BPI: variants seen among roughly 807,000 people sequenced by gnomAD.
The protein encoded by BPI is bactericidal permeability increasing protein, also known as bactericidal permeability-increasing protein.
A neutral mutation model predicts 57.6 loss-of-function variants in BPI; 48 were observed. That is an observed-to-expected ratio of 0.83 (90% CI 0.66 to 1.06). BPI has a LOEUF of 1.06. Among genes scored for constraint, BPI ranks in the 50% least tolerant of loss-of-function variants. The pLI is 0.00. For missense variants in BPI, 651 were observed against 609.7 expected, an observed-to-expected ratio of 1.07 and a Z score of -0.71; for synonymous variants, 237 against 238.2, an observed-to-expected ratio of 0.99 and a Z score of 0.05.
intron 5 of BPI, among the ~76,000 whole-genome samples, chr20:38,317,348 A>G (rs920577792): frequency 6.6e-6 from 1 of 152,268 alleles, no homozygotes; most frequent in African/African-American, 2.4e-5. Flanking sequence ...AAGGCATGAC[A>G]GGGATGGCTA....
chr20:38,327,677 G>A (rs530448991), intron 11 of BPI, 22 bp downstream of exon 11: 166 of 1,612,250 alleles, frequency 1.0e-4, no homozygotes, highest in Middle Eastern at 5.0e-4. Flanking sequence ...TGTGAGAGGA[G>A]GAGGGGGCTG....
At chr20:38,308,865 G>T (rs1270199056) in intron 2 of BPI, 65 bp from the exon 3 acceptor site, 4 of 1,592,164 alleles carry the variant, frequency 2.5e-6, no homozygotes, top group South Asian at 2.2e-5. Context: ...AACCATTAAC[G>T]AAGTCCTCAT....
In BPI at chr20:38,326,549, C is replaced by T. The variant is rs186424214; in HGVS notation, c.1161+117C>T. On this transcript the variant is annotated intron_variant, in intron 10 of 14. Transcript: ENST00000642449. ...GATTCAAACCTGGACTGTGTCACTC[C>T]GGAGCCTGAGGCTTGAGTCACTGTA... 1.4e-4 allele frequency: 176 copies of T among 1,269,846 alleles called. No homozygotes were observed. The East Asian group carries it at 4.6e-3, about 33-fold the overall frequency. The allele number at this position is 1,269,846 out of a possible 1,614,324, so 78.7% of individuals were successfully genotyped here.
intron 9 of BPI, among the ~76,000 whole-genome samples, chr20:38,325,142 T>TA (rs2076706183): frequency 6.6e-6 from 1 of 152,200 alleles, no homozygotes; most frequent in Non-Finnish European, 1.5e-5. Flanking sequence ...GGCACCTCCC[T>TA]ACCCTCCTGG....
At chr20:38,330,771 T>C (rs1322033548) in intron 11 of BPI, among the ~76,000 whole-genome samples, 5 of 152,216 alleles carry the variant, frequency 3.3e-5, no homozygotes, top group Non-Finnish European at 7.3e-5. Flanking sequence ...AGGTCAGAGG[T>C]ACATCCTTGC....
At chr20:38,310,693 A>G (rs1226092444) in intron 4 of BPI, 41 bp downstream of exon 4, 1 of 1,590,376 alleles carries the variant, frequency 6.3e-7, no homozygotes, top group Non-Finnish European at 8.6e-7. Context: ...AGGGACTTAA[A>G]GAAGAACTCT....
intron 6 of BPI, among the ~76,000 whole-genome samples, chr20:38,319,431 G>T (rs978673855): frequency 6.6e-6 from 1 of 152,184 alleles, no homozygotes; most frequent in African/African-American, 2.4e-5. Flanking sequence ...GGCATGGTTG[G>T]CACATAGTAT....
At chr20:38,325,802 T>G (rs907926703) in intron 9 of BPI, among the ~76,000 whole-genome samples, 6 of 152,062 alleles carry the variant, frequency 3.9e-5, no homozygotes, top group Non-Finnish European at 8.8e-5. Context: ...TCACATTATT[T>G]TTACTCAGAC....
intron 11 of BPI, 146 bp downstream of exon 11, chr20:38,327,801 C>A: frequency 1.1e-6 from 1 of 895,176 alleles, no homozygotes; most frequent in Non-Finnish European, 1.7e-6. Flanking sequence ...TGTGCGATGG[C>A]CACAGTATCC....
At chr20:38,324,455 T>C (rs766331528) in intron 8 of BPI, among the ~76,000 whole-genome samples, 1 of 152,212 alleles carries the variant, frequency 6.6e-6, no homozygotes, top group Non-Finnish European at 1.5e-5. Flanking sequence ...CCTAGCACCA[T>C]GCTAAGGCAG....
chr20:38,321,295 A>T (rs1370629822), intron 7 of BPI, among the ~76,000 whole-genome samples: 2 of 150,424 alleles, frequency 1.3e-5, no homozygotes, highest in East Asian at 3.9e-4. Context: ...GGGTGGATGG[A>T]TGGATGGATG....
chr20:38,323,339 G>A (rs1389584226), intron 7 of BPI, among the ~76,000 whole-genome samples: 1 of 152,152 alleles, frequency 6.6e-6, no homozygotes, highest in African/African-American at 2.4e-5. Context: ...GAAACATAAA[G>A]AACAACCTTA....
rs2076720445 is a variant in BPI, at chr20:38,327,659, A to C, written c.1229+4A>C. ...TTGGAGAGCTCAAGCTGGATAGGTA[A>C]GTGGGCCTGTGAGAGGAGGAGGGGG... On this transcript the variant is annotated splice_donor_region_variant and intron_variant, in intron 11 of 14. Transcript: ENST00000642449. 2.5e-6 allele frequency: 4 copies of C among 1,613,392 alleles called. No individual in the cohort carries two copies. The South Asian group carries it at 4.4e-5, about 18-fold the overall frequency.
intron 12 of BPI, among the ~76,000 whole-genome samples, chr20:38,333,403 A>AG (rs2076751598): frequency 6.6e-6 from 1 of 152,296 alleles, no homozygotes; most frequent in Non-Finnish European, 1.5e-5. Context: ...AAGCATCTTG[A>AG]GGGTTTTACA....
At chr20:38,310,826 T>C (rs956725282) in intron 4 of BPI, among the ~76,000 whole-genome samples, 174 bp downstream of exon 4, 2 of 152,238 alleles carry the variant, frequency 1.3e-5, no homozygotes, top group Non-Finnish European at 2.9e-5. Flanking sequence ...ACTGTCTCTT[T>C]CTCAAGGCAT....
Position 38,337,183 on chromosome 20 carries a change from G to T in BPI, c.1451G>T (p.Ter484LeuextTer47). ...LLFGADVVYK[*>L] ...TTCGGTGCAGACGTTGTCTATAAAT[G>T]AAGGCACCAGGGGTGCCGGGGGCTG... Residue 484 changes from the stop codon to leucine (L), a stop_lost, in exon 15 of 15, where the codon TGA (stop) becomes TTA (leucine). Coordinates refer to ENST00000642449, the MANE Select transcript of BPI (RefSeq NM_001725.3). 1 of 1,590,234 alleles carries T rather than the reference G, an allele frequency of 6.3e-7. No individual in the cohort carries two copies.
chr20:38,331,843 CAA>C (rs71644569), intron 12 of BPI, among the ~76,000 whole-genome samples: 187 of 80,976 alleles, frequency 2.3e-3, no homozygotes, highest in African/African-American at 4.2e-3. Context: ...AATCTTGTCT[CAA>C]AAAAAAAAAA....
chr20:38,324,714 C>G, intron 8 of BPI, 60 bp from the exon 9 acceptor site: 1 of 1,399,886 alleles, frequency 7.1e-7, no homozygotes, highest in South Asian at 1.2e-5. Context: ...ACAGAACTCA[C>G]CCCCTCTGCT....
In BPI at chr20:38,324,779, A is replaced by T. The variant is rs1026278984; in HGVS notation, c.939A>T (p.Pro313=). ...TTTCTCATCTCTTGCTACAGATTCC[A>T]AAGGAGTCCAAATTTCGACTGACAA... ...LKMTLRDDMI[P]KESKFRLTTK... is the part of the protein sequence containing the mutation. Residue 313 remains proline (P), a synonymous_variant, in exon 9 of 15, where the codon CCA becomes CCT. Coordinates refer to ENST00000642449, the MANE Select transcript of BPI (RefSeq NM_001725.3). The T allele has an allele frequency of 6.2e-7, 1 of 1,612,014 alleles. No individual in the cohort carries two copies. The highest frequency in any genetic ancestry group is 8.5e-7 in the Non-Finnish European group (1 of 1,178,126).
Sources: gnomAD v4.1 joint callset for allele counts (sites outside exome capture counted in the v4.1 genomes callset) on GRCh38, gnomAD v4.1.1 for gene constraint, MANE v1.5 for transcripts, NCBI Gene and HGNC (gene_info 2026-07-23, HGNC 2026-07-21) for gene names.